The following WWOX variants were observed in gnomAD, a reference collection of about 807,000 sequenced individuals.
WWOX encodes the protein WW domain-containing oxidoreductase.
Under a neutral mutation model 46.2 loss-of-function variants are expected in WWOX, and 69 were observed. The ratio of observed to expected loss-of-function variants is 1.49; its 90% confidence interval spans 1.23 to 1.82. WWOX has a LOEUF of 1.82. Among genes scored for constraint, WWOX ranks in the 40% most tolerant of loss-of-function variants. The pLI is 0.00. For synonymous variants in WWOX, 359 were observed against 202.6 expected (o/e 1.77, Z -6.56); for missense variants, 919 against 542.6 (o/e 1.69, Z -6.89).
chr16:78,448,122 G>C (rs528538376), intron 8 of WWOX, among the ~76,000 whole-genome samples: 16 of 152,216 alleles, frequency 1.1e-4, no homozygotes, highest in Admixed American at 3.9e-4. Flanking sequence ...ATTATTAATA[G>C]AAGTTCTGGG....
chr16:78,946,582 A>G (rs1043102102), intron 8 of WWOX, among the ~76,000 whole-genome samples: 9 of 152,212 alleles, frequency 5.9e-5, no homozygotes, highest in Non-Finnish European at 1.2e-4. Context: ...ATGAAGAAAC[A>G]TCAGAGTTCA....
chr16:78,714,307 AAGG>A (rs993859191), intron 8 of WWOX, among the ~76,000 whole-genome samples: 62 of 152,238 alleles, frequency 4.1e-4, no homozygotes, highest in African/African-American at 1.5e-3. Context: ...GCGGAAGGCA[AAGG>A]AGGAGCAAAG....
At position 78,869,739 on chromosome 16, in the gene WWOX, G is replaced by A. The variant is rs554120142; in HGVS notation, c.1057-341869G>A. On this transcript the variant is annotated intron_variant, in intron 8 of 8. Transcript: ENST00000566780. The stretch of plus-strand genomic sequence containing the variant: ...AGAGCTGCTGAGTTGTAGATTTCTA[G>A]TTTCTAAACAACAATAAGTCTTGCT... 3.9e-5 allele frequency among the ~76,000 whole-genome samples: 6 copies of A among 152,300 alleles called. No individual in the cohort carries two copies. In the East Asian group the frequency reaches 1.2e-3, roughly 29 times the overall value.
intron 8 of WWOX, among the ~76,000 whole-genome samples, chr16:78,457,943 T>C (rs1451988748): frequency 7.3e-6 from 1 of 136,856 alleles, no homozygotes; most frequent in Non-Finnish European, 1.5e-5. Context: ...CTGGGCGTAG[T>C]GGCAGGTGCC....
chr16:79,128,723 G>C (rs12923469), intron 8 of WWOX, among the ~76,000 whole-genome samples: 1 of 152,036 alleles, frequency 6.6e-6, no homozygotes, highest in Non-Finnish European at 1.5e-5. Flanking sequence ...ATTTGCCAAG[G>C]TTTGAAAAGT....
chr16:79,053,608 T>C (rs1394341730), intron 8 of WWOX, among the ~76,000 whole-genome samples: 1 of 152,214 alleles, frequency 6.6e-6, no homozygotes, highest in Non-Finnish European at 1.5e-5. Context: ...TTAATCTAAT[T>C]ATATTCCGAT....
intron 8 of WWOX, among the ~76,000 whole-genome samples, chr16:78,453,523 G>A (rs1215919832): frequency 6.6e-6 from 1 of 152,156 alleles, no homozygotes; most frequent in Non-Finnish European, 1.5e-5. Flanking sequence ...TAGACAGTAA[G>A]GACTCAATAC....
chr16:78,266,788 T>TTCTCTCTCTCTATCTC (rs2079371179), intron 5 of WWOX, among the ~76,000 whole-genome samples: 1 of 115,532 alleles, frequency 8.7e-6, no homozygotes, highest in African/African-American at 3.2e-5. Flanking sequence ...TATTCTTCTA[T>TTCTCTCTCTCTATCTC]TCTCTCTCTC....
intron 8 of WWOX, among the ~76,000 whole-genome samples, chr16:78,731,555 C>T (rs1177164979): frequency 6.6e-6 from 1 of 152,094 alleles, no homozygotes; most frequent in African/African-American, 2.4e-5. Context: ...CCCTTTCTTA[C>T]CTTCTTTATT....
intron 8 of WWOX, among the ~76,000 whole-genome samples, chr16:78,871,699 A>G (rs1359211681): frequency 1.3e-5 from 2 of 152,210 alleles, no homozygotes; most frequent in Non-Finnish European, 2.9e-5. Context: ...TTCTGGGTTC[A>G]AGCAATTCTC....
At chr16:78,406,310 AT>A (rs1567553301) in intron 6 of WWOX, among the ~76,000 whole-genome samples, 543 of 33,292 alleles carry the variant, frequency 0.016, 5 homozygotes, top group African/African-American at 0.037. Flanking sequence ...ATAAATATAT[AT>A]ATATATATAT....
At chr16:79,152,078 T>C (rs936614158) in intron 8 of WWOX, among the ~76,000 whole-genome samples, 1 of 152,220 alleles carries the variant, frequency 6.6e-6, no homozygotes, top group Non-Finnish European at 1.5e-5. Context: ...TTGTTAAATT[T>C]CCTCTAATAC....
chr16:78,723,182 G>A (rs2048734790), intron 8 of WWOX, among the ~76,000 whole-genome samples: 1 of 152,180 alleles, frequency 6.6e-6, no homozygotes, highest in African/African-American at 2.4e-5. Context: ...ATTTCCCTCT[G>A]ATTGTCAGGC....
intron 5 of WWOX, among the ~76,000 whole-genome samples, chr16:78,196,977 G>A (rs560331198): frequency 6.6e-6 from 1 of 152,306 alleles, no homozygotes; most frequent in Admixed American, 6.5e-5. Context: ...CCACACAGAA[G>A]AGAGAATTAC....
At chr16:78,706,921 C>A (rs1369322349) in intron 8 of WWOX, among the ~76,000 whole-genome samples, 2 of 152,160 alleles carry the variant, frequency 1.3e-5, no homozygotes, top group Admixed American at 6.5e-5. Flanking sequence ...CCTCGGCCTC[C>A]CAAAGTATTA....
chr16:78,365,023 G>T lies in WWOX; in HGVS notation c.517-21837G>T, dbSNP rs545585832. On this transcript the variant is annotated intron_variant, in intron 5 of 8. Coordinates refer to ENST00000566780, the MANE Select transcript of WWOX (RefSeq NM_016373.4). ...TCTGTGTACTATGGGTTGAGCTGTG[G>T]GTAATTCTTTGGGGCCGGTTAGACT... is the stretch of plus-strand genomic sequence containing the variant. Among the ~76,000 whole-genome samples the T allele has an allele frequency of 2.6e-5, 4 of 152,120 alleles. No individual in the cohort carries two copies. The East Asian group carries it at 7.7e-4, about 29-fold the overall frequency.
intron 8 of WWOX, among the ~76,000 whole-genome samples, chr16:78,584,709 C>T (rs1446630511): frequency 6.6e-6 from 1 of 152,156 alleles, no homozygotes; most frequent in Non-Finnish European, 1.5e-5. Context: ...GTCAGAATAG[C>T]AGTTAGCTTA....
chr16:78,724,799 TTGTGTGTG>T (rs773965556), intron 8 of WWOX, among the ~76,000 whole-genome samples: 8 of 151,922 alleles, frequency 5.3e-5, no homozygotes, highest in African/African-American at 1.9e-4. Flanking sequence ...TTTGATGAAG[TTGTGTGTG>T]TGTGTGTAGT....
At chr16:79,011,248 G>C (rs1393992604) in intron 8 of WWOX, among the ~76,000 whole-genome samples, 2 of 151,246 alleles carry the variant, frequency 1.3e-5, no homozygotes, top group Non-Finnish European at 2.9e-5. Flanking sequence ...CATCTTCTGA[G>C]AATAAGGACA....
Sources: allele counts gnomAD v4.1 joint callset (sites outside exome capture counted in the v4.1 genomes callset), GRCh38; gene constraint gnomAD v4.1.1; transcripts MANE v1.5; gene names NCBI Gene and HGNC (gene_info 2026-07-23, HGNC 2026-07-21).